ZNF589: variants seen among roughly 807,000 people sequenced by gnomAD.
The protein encoded by ZNF589 is KRAB-zinc finger protein SZF1-1.
In ZNF589, 17 loss-of-function variants were observed where a neutral mutation model predicts 13.6. The ratio of observed to expected loss-of-function variants is 1.25; its 90% CI spans 0.86 to 1.88. ZNF589 has a LOEUF of 1.88. Among genes scored for constraint, ZNF589 ranks in the 40% most tolerant of loss-of-function variants. ZNF589 has a pLI of 0.00. For synonymous variants in ZNF589, 148 were observed against 161.6 expected (o/e 0.92, Z 0.64); for missense variants, 407 against 434.0 (o/e 0.94, Z 0.55).
chr3:48,245,830 C>T (rs2033757947), intron 1 of ZNF589, among the ~76,000 whole-genome samples: 1 of 151,754 alleles, frequency 6.6e-6, no homozygotes, highest in South Asian at 2.1e-4. Flanking sequence ...GCCTGTAATC[C>T]CAGCTACTTG....
intron 1 of ZNF589, among the ~76,000 whole-genome samples, chr3:48,245,713 G>A (rs762578062): frequency 2.6e-5 from 4 of 152,190 alleles, no homozygotes; most frequent in Admixed American, 6.5e-5. Flanking sequence ...TTGGGAGGCC[G>A]AGGCAGGCAG....
chr3:48,241,117 C>G lies in ZNF589; in HGVS notation c.-55C>G, dbSNP rs1161700369. The G allele has an allele frequency of 3.7e-6, 6 of 1,610,190 alleles. No homozygotes were observed. In the African/African-American group the frequency reaches 5.3e-5, roughly 14 times the overall value. ...GTGGCCCGCGGTGCGCATTCTAATC[C>G]GTTTCACACACGGTGCTGCTACCTC... On this transcript the variant is annotated 5_prime_UTR_variant, in exon 1 of 4. Transcript: ENST00000354698.
intron 3 of ZNF589, among the ~76,000 whole-genome samples, chr3:48,262,883 T>C (rs933841514): frequency 5.3e-5 from 8 of 152,176 alleles, no homozygotes; most frequent in Non-Finnish European, 1.2e-4. Flanking sequence ...CTCATGGCAG[T>C]GCTGGTTGTG....
chr3:48,267,075 A>G (rs375035603), intron 3 of ZNF589, among the ~76,000 whole-genome samples: 79 of 152,348 alleles, frequency 5.2e-4, no homozygotes, highest in African/African-American at 1.9e-3. Flanking sequence ...TTCCCCACTC[A>G]TAAGTAGATA....
intron 2 of ZNF589, among the ~76,000 whole-genome samples, chr3:48,254,934 A>C (rs1209366138): frequency 6.6e-6 from 1 of 152,044 alleles, no homozygotes; most frequent in Non-Finnish European, 1.5e-5. Flanking sequence ...GAACAAAGAC[A>C]GCTTTACTTC....
intron 2 of ZNF589, among the ~76,000 whole-genome samples, chr3:48,258,864 A>G (rs1366410721): frequency 6.6e-6 from 1 of 152,242 alleles, no homozygotes. Context: ...CTGAGCAAAA[A>G]GCCTAGCTTC....
chr3:48,250,957 G>A (rs2033831750), intron 2 of ZNF589, among the ~76,000 whole-genome samples: 1 of 151,664 alleles, frequency 6.6e-6, no homozygotes, highest in Admixed American at 6.6e-5. Context: ...CACCATGTTG[G>A]CCAGGCTGGT....
chr3:48,248,991 AG>A (rs2033802061), intron 2 of ZNF589, among the ~76,000 whole-genome samples: 1 of 152,220 alleles, frequency 6.6e-6, no homozygotes, highest in Non-Finnish European at 1.5e-5. Flanking sequence ...ATAGGGGCCA[AG>A]CTTGATTGAT....
intron 1 of ZNF589, among the ~76,000 whole-genome samples, chr3:48,243,708 G>C (rs548442879): frequency 6.6e-6 from 1 of 151,816 alleles, no homozygotes; most frequent in African/African-American, 2.4e-5. Flanking sequence ...CTACTCAGAA[G>C]GCTGAGGCAG....
intron 1 of ZNF589, among the ~76,000 whole-genome samples, chr3:48,241,892 G>A (rs897531443): frequency 4.0e-5 from 6 of 151,784 alleles, no homozygotes; most frequent in African/African-American, 1.5e-4. Context: ...TAGGCTCACT[G>A]CAGCCTCCGC....
intron 1 of ZNF589, among the ~76,000 whole-genome samples, chr3:48,246,437 T>G (rs1392639774): frequency 1.3e-5 from 2 of 152,184 alleles, no homozygotes; most frequent in Admixed American, 6.6e-5. Flanking sequence ...TTTTGTAAAA[T>G]AAGGAATAAC....
At chr3:48,256,764 C>T in intron 2 of ZNF589, 1 of 1,604,048 alleles carries the variant, frequency 6.2e-7, no homozygotes, top group Non-Finnish European at 8.5e-7. Flanking sequence ...TTTGGACTCT[C>T]CTTGGGAGTC....
At position 48,269,089 on chromosome 3, in the gene ZNF589, C is replaced by A; in HGVS notation, c.*303C>A. The A allele has an allele frequency of 1.5e-6, 1 of 650,752 alleles. No homozygotes were observed. The highest frequency in any genetic ancestry group is 2.9e-5 in the East Asian group (1 of 34,828). The allele number at this position is 650,752 out of a possible 1,614,324, so 40.3% of individuals were successfully genotyped here. On this transcript the variant is annotated 3_prime_UTR_variant, in exon 4 of 4. Transcript: ENST00000354698. The stretch of plus-strand genomic sequence containing the variant: ...TCCTCAATGGACACTGGAGGACACA[C>A]ACGGGAGAGAAGCCTTACACGTGCT...
At chr3:48,243,386 T>C (rs1255655806) in intron 1 of ZNF589, among the ~76,000 whole-genome samples, 1 of 152,138 alleles carries the variant, frequency 6.6e-6, no homozygotes, top group African/African-American at 2.4e-5. Context: ...TGCCAAGCCA[T>C]TGTTCAGCAT....
chr3:48,242,689 T>C (rs2033711930), intron 1 of ZNF589, among the ~76,000 whole-genome samples: 1 of 152,242 alleles, frequency 6.6e-6, no homozygotes, highest in African/African-American at 2.4e-5. Flanking sequence ...AGTGGTCTGC[T>C]GTTGTGTGAA....
rs764920793 is a variant in ZNF589, at chr3:48,256,737, C to T, written c.97-4076C>T. ...TTCCAGTGGCAGATGGGGCACTGGCCAGAGGGGTTAGGAGGATTTGGACTC... is the reference window on the plus strand; with the variant it reads ...TTCCAGTGGCAGATGGGGCACTGGCTAGAGGGGTTAGGAGGATTTGGACTC... On this transcript the variant is annotated intron_variant, in intron 2 of 3. Transcript: ENST00000354698. The T allele has an allele frequency of 4.4e-6, 7 of 1,603,528 alleles. No homozygotes were observed. The East Asian group carries it at 1.1e-4, about 26-fold the overall frequency.
intron 3 of ZNF589, among the ~76,000 whole-genome samples, chr3:48,265,094 C>G (rs1239154066): frequency 6.6e-6 from 1 of 150,628 alleles, no homozygotes; most frequent in African/African-American, 2.4e-5. Flanking sequence ...GCCTCAGCCT[C>G]CCGAGTAGCT....
intron 1 of ZNF589, among the ~76,000 whole-genome samples, chr3:48,242,628 C>T (rs148460927): frequency 3.3e-5 from 5 of 152,208 alleles, no homozygotes; most frequent in Non-Finnish European, 7.4e-5. Flanking sequence ...TTTTAAGGGC[C>T]AGGTGGTAAA....
At chr3:48,264,213 A>T (rs1210575376) in intron 3 of ZNF589, among the ~76,000 whole-genome samples, 1 of 152,034 alleles carries the variant, frequency 6.6e-6, no homozygotes, top group Non-Finnish European at 1.5e-5. Flanking sequence ...TTTAAGTTGA[A>T]GGGTCTTGTT....
Sources: gnomAD v4.1 joint callset for allele counts (sites outside exome capture counted in the v4.1 genomes callset) on GRCh38, gnomAD v4.1.1 for gene constraint, MANE v1.5 for transcripts, NCBI Gene and HGNC (gene_info 2026-07-23, HGNC 2026-07-21) for gene names.